The following BMPR1B variants were observed in gnomAD, a reference collection of about 807,000 sequenced individuals.
BMPR1B encodes bone morphogenetic protein receptor type-1B.
Under a neutral mutation model 59.1 loss-of-function variants are expected in BMPR1B, and 12 were observed. The observed-to-expected ratio is 0.20, with a 90% CI of 0.13 to 0.33. The LOEUF (loss-of-function observed/expected upper bound fraction) is 0.33, where lower values mean the gene tolerates loss of function less well. Among genes scored for constraint, BMPR1B ranks in the 10% least tolerant of loss-of-function variants. The probability of loss-of-function intolerance (pLI) is 1.00; values close to 1 mark genes in which losing one functional copy is unlikely to be tolerated. For synonymous variants in BMPR1B, 237 were observed against 207.3 expected (o/e 1.14, Z -1.23); for missense variants, 550 against 610.9 (o/e 0.90, Z 1.05).
intron 2 of BMPR1B, among the ~76,000 whole-genome samples, chr4:94,907,477 A>G (rs1166087126): frequency 2.6e-5 from 4 of 152,022 alleles, no homozygotes; most frequent in Non-Finnish European, 5.9e-5. Flanking sequence ...CAAATAAGGT[A>G]ATGCCTGTGC....
chr4:94,765,147 T>C lies in BMPR1B; in HGVS notation c.-183+7079T>C, dbSNP rs1312306480. Among the ~76,000 whole-genome samples, 9 of 152,240 alleles carry C rather than the reference T, an allele frequency of 5.9e-5. No homozygotes were observed. The East Asian group carries it at 1.5e-3, about 26-fold the overall frequency. ...CAATGATGACACAAACAATAAATCTTGGCAGGAAAATTAGAAATTTCATAT... is the reference window on the plus strand; with the variant it reads ...CAATGATGACACAAACAATAAATCTCGGCAGGAAAATTAGAAATTTCATAT... On this transcript the variant is annotated intron_variant, in intron 1 of 12. Transcript: ENST00000515059.
chr4:94,843,048 C>G (rs1725155521), intron 1 of BMPR1B, among the ~76,000 whole-genome samples: 1 of 152,156 alleles, frequency 6.6e-6, no homozygotes, highest in African/African-American at 2.4e-5. Context: ...CTGCCAGGCA[C>G]TGTTTTAATG....
chr4:94,978,737 G>A (rs1051826532), intron 2 of BMPR1B, among the ~76,000 whole-genome samples: 3 of 152,144 alleles, frequency 2.0e-5, no homozygotes, highest in African/African-American at 7.2e-5. Context: ...AGAACATTTC[G>A]AATGGGAGAG....
At chr4:94,869,671 A>G (rs1726401403) in intron 1 of BMPR1B, among the ~76,000 whole-genome samples, 1 of 152,220 alleles carries the variant, frequency 6.6e-6, no homozygotes, top group Non-Finnish European at 1.5e-5. Flanking sequence ...TTCATTATAA[A>G]ATAAAATGTG....
intron 2 of BMPR1B, among the ~76,000 whole-genome samples, chr4:94,949,686 G>A (rs1245232435): frequency 6.6e-6 from 1 of 151,866 alleles, no homozygotes; most frequent in African/African-American, 2.4e-5. Flanking sequence ...TATTCAATCT[G>A]TCATTGATGG....
chr4:94,980,799 A>T, intron 2 of BMPR1B, among the ~76,000 whole-genome samples: 1 of 152,202 alleles, frequency 6.6e-6, no homozygotes, highest in Non-Finnish European at 1.5e-5. Flanking sequence ...ATAGTCTACT[A>T]GACAAGGGAA....
intron 3 of BMPR1B, among the ~76,000 whole-genome samples, chr4:95,043,226 T>TA (rs1725797661): frequency 6.8e-6 from 1 of 146,864 alleles, no homozygotes; most frequent in Non-Finnish European, 1.5e-5. Flanking sequence ...TACCTCACAG[T>TA]TTATCTATCA....
At chr4:95,057,375 G>T (rs540988230) in intron 3 of BMPR1B, among the ~76,000 whole-genome samples, 1 of 151,994 alleles carries the variant, frequency 6.6e-6, no homozygotes. Context: ...CTCCCGAGTC[G>T]CTGGGACTAC....
intron 2 of BMPR1B, among the ~76,000 whole-genome samples, chr4:94,936,808 C>T (rs1729319721): frequency 6.6e-6 from 1 of 152,132 alleles, no homozygotes; most frequent in Non-Finnish European, 1.5e-5. Flanking sequence ...TTGTTTTCAT[C>T]TGTACTTAGG....
At chr4:94,774,805 T>C (rs1241817945) in intron 1 of BMPR1B, among the ~76,000 whole-genome samples, 1 of 152,138 alleles carries the variant, frequency 6.6e-6, no homozygotes, top group Non-Finnish European at 1.5e-5. Flanking sequence ...TGTCTTCTGT[T>C]TCTCTCTCTA....
chr4:94,975,363 G>GTTTTTTTTTTTTTTT (rs763655134), intron 2 of BMPR1B, among the ~76,000 whole-genome samples: 1 of 111,638 alleles, frequency 9.0e-6, no homozygotes, highest in Non-Finnish European at 1.7e-5. Context: ...TTTTGTTTTT[G>GTTTTTTTTTTTTTTT]TTTTTTTTTT....
intron 10 of BMPR1B, among the ~76,000 whole-genome samples, chr4:95,145,937 C>G (rs141120986): frequency 0.011 from 1,746 of 152,304 alleles, 22 homozygotes; most frequent in Non-Finnish European, 0.015. Context: ...TTACATTTCC[C>G]TTTAAATTAT....
intron 3 of BMPR1B, among the ~76,000 whole-genome samples, chr4:95,012,622 G>A (rs142166013): frequency 6.2e-4 from 94 of 152,238 alleles, no homozygotes; most frequent in African/African-American, 2.0e-3. Context: ...TATTGGCATA[G>A]AGACAGTTAT....
rs907531678 is a variant in BMPR1B at position 95,022,749 on chromosome 4, G to A, written c.-18+26615G>A. Among the ~76,000 whole-genome samples the A allele has an allele frequency of 3.9e-5, 6 of 152,102 alleles. No homozygotes were observed. The Middle Eastern group carries it at 0.01, about 260-fold the overall frequency. ...ATATGAGCTTATAAAAAGACTATGGGAATTGAGTTTTTAAATGAGACATTA... is the reference window on the plus strand; with the variant it reads ...ATATGAGCTTATAAAAAGACTATGGAAATTGAGTTTTTAAATGAGACATTA... On this transcript the variant is annotated intron_variant, in intron 3 of 12. Transcript: ENST00000515059.
Position 95,125,100 on chromosome 4 carries a change from T to C in BMPR1B, c.564T>C (p.Ser188=). 1 of 1,613,796 alleles carries C rather than the reference T, an allele frequency of 6.2e-7. No individual in the cohort carries two copies. The highest frequency in any genetic ancestry group is 8.5e-7 in the Non-Finnish European group (1 of 1,179,798). ...TTGAGCAGTCTCAGAGCTCAGGAAG[T>C]GGATCAGGCCTCCCTCTGCTGGTAT... The part of the protein sequence containing the change: ...DLIEQSQSSG[S]GSGLPLLVQR... The change falls in exon 8 of 13, where the codon AGT becomes AGC. Residue 188 remains serine (S), a synonymous_variant. Coordinates refer to ENST00000515059, the MANE Select transcript of BMPR1B (RefSeq NM_001203.3).
chr4:94,853,828 A>T (rs1544391), intron 1 of BMPR1B, among the ~76,000 whole-genome samples: 94,460 of 151,996 alleles, frequency 0.62, 30,688 homozygotes, highest in African/African-American at 0.82. Flanking sequence ...AATTTAAAAA[A>T]AAACAAATGA....
chr4:95,075,221 C>T (rs1728612131), intron 3 of BMPR1B, among the ~76,000 whole-genome samples: 2 of 152,090 alleles, frequency 1.3e-5, no homozygotes, highest in Admixed American at 1.3e-4. Context: ...GGAATTTTTA[C>T]TGTTTTCACC....
chr4:94,961,324 C>T (rs1419900389), intron 2 of BMPR1B, among the ~76,000 whole-genome samples: 2 of 152,082 alleles, frequency 1.3e-5, no homozygotes, highest in African/African-American at 4.8e-5. Context: ...CGTTTTTCTG[C>T]TACAGTGAAG....
Position 94,876,747 on chromosome 4 carries a change from G to A in BMPR1B, c.-113+847G>A, listed in dbSNP as rs1335203699. On this transcript the variant is annotated intron_variant, in intron 2 of 12. Transcript: ENST00000515059. ...TGGCTCATAATAATGATGGGAGGAT[G>A]TGCTTACTTTTGATATATCTTTTCT... Among the ~76,000 whole-genome samples, 8 of 152,282 alleles carry A rather than the reference G, an allele frequency of 5.3e-5. No homozygotes were observed. In the East Asian group the frequency reaches 1.5e-3, roughly 29 times the overall value.
Sources: allele counts gnomAD v4.1 joint callset (sites outside exome capture counted in the v4.1 genomes callset), GRCh38; gene constraint gnomAD v4.1.1; transcripts MANE v1.5; gene names NCBI Gene and HGNC (gene_info 2026-07-23, HGNC 2026-07-21).